HOMER1: variants seen among roughly 807,000 people sequenced by gnomAD.
The protein encoded by HOMER1 is homer protein homolog 1.
Under a neutral mutation model 48.9 loss-of-function variants are expected in HOMER1, and 3 were observed. The observed-to-expected ratio is 0.06, with a 90% CI of 0.03 to 0.16. The LOEUF (loss-of-function observed/expected upper bound fraction) is 0.16. Ranked by LOEUF, HOMER1 falls within the 10% of genes least tolerant of loss-of-function variation. HOMER1 has a pLI of 1.00. For missense variants in HOMER1, 247 were observed against 411.4 expected (o/e 0.60, Z 3.46); for synonymous variants, 134 against 146.4 (o/e 0.92, Z 0.61).
In HOMER1 at chr5:79,494,868, C is replaced by T. The variant is rs1752379855; in HGVS notation, c.5+17902G>A. ...TGGGCAACAAGAGTGAAACTCTTGCCTTCTCCAAGTCCAAAACTTCCTCCA... is the reference window on the plus strand; with the variant it reads ...TGGGCAACAAGAGTGAAACTCTTGCTTTCTCCAAGTCCAAAACTTCCTCCA... On this transcript the variant is annotated intron_variant, in intron 1 of 8. Coordinates refer to ENST00000334082, the MANE Select transcript of HOMER1 (RefSeq NM_004272.5). Among the ~76,000 whole-genome samples the T allele has an allele frequency of 2.6e-5, 4 of 152,194 alleles. No individual in the cohort carries two copies. The South Asian group carries it at 8.3e-4, about 32-fold the overall frequency.
intron 8 of HOMER1, among the ~76,000 whole-genome samples, chr5:79,382,489 G>T (rs1373018355): frequency 1.3e-4 from 20 of 152,108 alleles, no homozygotes; most frequent in African/African-American, 4.6e-4. Flanking sequence ...GAAAGAATGG[G>T]GTGATATATT....
At chr5:79,492,245 T>C (rs1752297639) in intron 1 of HOMER1, among the ~76,000 whole-genome samples, 1 of 151,500 alleles carries the variant, frequency 6.6e-6, no homozygotes, top group Non-Finnish European at 1.5e-5. Context: ...AGTGCCCATA[T>C]AAAAAAAAAT....
chr5:79,508,859 G>C (rs1752852000), intron 1 of HOMER1, among the ~76,000 whole-genome samples: 1 of 152,142 alleles, frequency 6.6e-6, no homozygotes, highest in African/African-American at 2.4e-5. Context: ...ACTCACTAAG[G>C]GAAGGAGCAC....
At chr5:79,510,311 G>A (rs1561393357) in intron 1 of HOMER1, 1 of 407,890 alleles carries the variant, frequency 2.5e-6, no homozygotes, top group Non-Finnish European at 4.6e-6. Context: ...TATGCTAAGT[G>A]TCTAAATGCA....
intron 5 of HOMER1, among the ~76,000 whole-genome samples, chr5:79,433,029 T>C (rs1294341182): frequency 6.6e-6 from 1 of 152,204 alleles, no homozygotes; most frequent in Admixed American, 6.5e-5. Flanking sequence ...ATATCAATGA[T>C]AAAGTCACTT....
chr5:79,378,376 T>C (rs1748834700), intron 8 of HOMER1, among the ~76,000 whole-genome samples: 1 of 152,146 alleles, frequency 6.6e-6, no homozygotes, highest in South Asian at 2.1e-4. Flanking sequence ...GCAGCTATAA[T>C]GATTTTTAAA....
At chr5:79,383,102 A>G (rs922550616) in intron 8 of HOMER1, among the ~76,000 whole-genome samples, 2 of 152,232 alleles carry the variant, frequency 1.3e-5, no homozygotes, top group Non-Finnish European at 2.9e-5. Flanking sequence ...CAGATAAAAT[A>G]TACCTTAATC....
At chr5:79,468,067 T>C (rs1751525871) in intron 1 of HOMER1, among the ~76,000 whole-genome samples, 1 of 152,212 alleles carries the variant, frequency 6.6e-6, no homozygotes, top group South Asian at 2.1e-4. Context: ...TGAGCCACCA[T>C]GCCCAGCCTA....
At chr5:79,392,875 T>C (rs1327285205) in intron 8 of HOMER1, among the ~76,000 whole-genome samples, 1 of 152,072 alleles carries the variant, frequency 6.6e-6, no homozygotes, top group Non-Finnish European at 1.5e-5. Context: ...CTACCTTTTC[T>C]GTGTTTAGAT....
At chr5:79,508,073 G>A (rs1225143522) in intron 1 of HOMER1, among the ~76,000 whole-genome samples, 2 of 152,186 alleles carry the variant, frequency 1.3e-5, no homozygotes, top group African/African-American at 4.8e-5. Flanking sequence ...TTCTGGCTTG[G>A]TGTTTCCACA....
At chr5:79,502,110 C>A (rs1752610274) in intron 1 of HOMER1, among the ~76,000 whole-genome samples, 1 of 150,840 alleles carries the variant, frequency 6.6e-6, no homozygotes, top group Admixed American at 6.6e-5. Context: ...ACCTCCACCT[C>A]CTGGGTTCAA....
intron 5 of HOMER1, among the ~76,000 whole-genome samples, chr5:79,412,468 A>G (rs1478347663): frequency 2.0e-5 from 3 of 152,214 alleles, no homozygotes; most frequent in Admixed American, 6.5e-5. Flanking sequence ...AACAGTCTAC[A>G]CACTTTGAGA....
intron 2 of HOMER1, among the ~76,000 whole-genome samples, chr5:79,456,135 G>C (rs1751170257): frequency 1.6e-5 from 2 of 127,130 alleles, no homozygotes; most frequent in Non-Finnish European, 3.2e-5. Flanking sequence ...GACAGAGCAA[G>C]ACTCCGTCTC....
intron 1 of HOMER1, among the ~76,000 whole-genome samples, chr5:79,501,155 A>G (rs1752576532): frequency 6.8e-6 from 1 of 147,190 alleles, no homozygotes; most frequent in Admixed American, 6.8e-5. Flanking sequence ...ATTTTTTGTA[A>G]ACACTGGTTT....
rs71615542 is a variant in HOMER1 at position 79,451,556 on chromosome 5, C to CTTTTTTTT, written c.163-443_163-436dup. On this transcript the variant is annotated intron_variant, in intron 2 of 8. Coordinates refer to ENST00000334082, the MANE Select transcript of HOMER1 (RefSeq NM_004272.5). ...GAAAATATGCATAGAAAATATGACA[C>CTTTTTTTT]TTTTTTTTTTTTTTTTTTTTTTTTT... Among the ~76,000 whole-genome samples, 13 of 64,640 alleles carry CTTTTTTTT rather than the reference C, an allele frequency of 2.0e-4. 1 individual carries two copies. Among genetic ancestry groups the CTTTTTTTT allele is most frequent in the African/African-American group, 1.1e-3 (12 of 10,852 alleles). 42.4% of individuals were successfully genotyped at this position (64,640 alleles called of 152,430 possible).
chr5:79,475,428 CTTT>C (rs370912747), intron 1 of HOMER1, among the ~76,000 whole-genome samples: 21 of 127,048 alleles, frequency 1.7e-4, no homozygotes, highest in Admixed American at 3.3e-4. Flanking sequence ...AATTCTTAGA[CTTT>C]TTTTTTTTTT....
intron 5 of HOMER1, among the ~76,000 whole-genome samples, chr5:79,435,218 TA>T (rs1217607182): frequency 6.6e-6 from 1 of 152,250 alleles, no homozygotes; most frequent in African/African-American, 2.4e-5. Context: ...ACCACATTAC[TA>T]AAACTTTCAG....
At chr5:79,420,699 G>A (rs113413495) in intron 5 of HOMER1, among the ~76,000 whole-genome samples, 394 of 152,232 alleles carry the variant, frequency 2.6e-3, no homozygotes, top group African/African-American at 9.1e-3. Context: ...GAGTAATCAT[G>A]GAGAGAGCTT....
At chr5:79,434,247 G>T (rs1055796800) in intron 5 of HOMER1, among the ~76,000 whole-genome samples, 1 of 151,814 alleles carries the variant, frequency 6.6e-6, no homozygotes, top group African/African-American at 2.4e-5. Context: ...TTAGTTTTCA[G>T]TATTACATTG....
Sources: gnomAD v4.1 joint callset for allele counts (sites outside exome capture counted in the v4.1 genomes callset) on GRCh38, gnomAD v4.1.1 for gene constraint, MANE v1.5 for transcripts, NCBI Gene and HGNC (gene_info 2026-07-23, HGNC 2026-07-21) for gene names.